The following MED30 variants were observed in gnomAD, a reference collection of about 807,000 sequenced individuals.
MED30 encodes mediator complex subunit 30.
Under a neutral mutation model 21.7 loss-of-function variants are expected in MED30, and 8 were observed. The observed-to-expected ratio is 0.37, with a 90% CI of 0.22 to 0.67. The LOEUF (loss-of-function observed/expected upper bound fraction) is 0.67, where lower values mean the gene tolerates loss of function less well. MED30 is among the 30% of genes least tolerant of loss of function. MED30 has a pLI of 0.58. For synonymous variants in MED30, 79 were observed against 86.7 expected (o/e 0.91, Z 0.49); for missense variants, 203 against 228.2 (o/e 0.89, Z 0.71).
At chr8:117,521,901 CGTAT>C (rs1818628789) in intron 1 of MED30, among the ~76,000 whole-genome samples, 1 of 152,134 alleles carries the variant, frequency 6.6e-6, no homozygotes, top group Non-Finnish European at 1.5e-5. Flanking sequence ...TTTGTGTGAA[CGTAT>C]GTGTCATTTC....
Position 117,528,687 on chromosome 8 carries a change from C to A in MED30, c.214C>A (p.Gln72Lys), listed in dbSNP as rs759612218. The A allele has an allele frequency of 6.2e-7, 1 of 1,607,544 alleles. No homozygotes were observed. The highest frequency in any genetic ancestry group is 8.5e-7 in the Non-Finnish European group (1 of 1,177,162). The change falls in exon 2 of 4, where the codon CAA becomes AAA. Residue 72 changes from glutamine (Q) to lysine (K), a missense_variant. Coordinates refer to ENST00000297347, the MANE Select transcript of MED30 (RefSeq NM_080651.4). ...TGTCACTTACCACACTGGAACATAT[C>A]AAGACCGGTTAACAAAGCTACAGGA... ...NGVTYHTGTY[Q>K]DRLTKLQDNL...
intron 1 of MED30, among the ~76,000 whole-genome samples, chr8:117,527,242 A>G (rs530046400): frequency 6.6e-6 from 1 of 152,104 alleles, no homozygotes; most frequent in East Asian, 1.9e-4. Context: ...CTGAGAGTTC[A>G]GGAGGAGAAA....
intron 3 of MED30, among the ~76,000 whole-genome samples, chr8:117,531,180 C>T (rs1818787572): frequency 6.6e-6 from 1 of 151,942 alleles, no homozygotes; most frequent in Non-Finnish European, 1.5e-5. Flanking sequence ...ATGTGAATGT[C>T]TCAACACCTG....
At chr8:117,533,699 C>T (rs539048177) in intron 3 of MED30, among the ~76,000 whole-genome samples, 21 of 152,292 alleles carry the variant, frequency 1.4e-4, no homozygotes, top group African/African-American at 4.8e-4. Flanking sequence ...CAATTTTCCA[C>T]AGTCAGAATC....
intron 3 of MED30, among the ~76,000 whole-genome samples, chr8:117,535,535 C>CT (rs1174375391): frequency 0.012 from 1,697 of 146,620 alleles, 34 homozygotes; most frequent in African/African-American, 0.038. Context: ...GCCGATACAT[C>CT]TTTTTTTTTT....
chr8:117,534,856 T>TG (rs1554634568), intron 3 of MED30, among the ~76,000 whole-genome samples: 1 of 147,694 alleles, frequency 6.8e-6, no homozygotes, highest in Non-Finnish European at 1.5e-5. Flanking sequence ...AATTGTTTTT[T>TG]TTTTTTTTTT....
intron 3 of MED30, among the ~76,000 whole-genome samples, chr8:117,533,670 A>G (rs954483684): frequency 2.0e-5 from 3 of 152,182 alleles, no homozygotes; most frequent in Admixed American, 6.5e-5. Flanking sequence ...ATCTATGACA[A>G]CATCTCAGTA....
At chr8:117,536,681 T>C (rs1403007435) in intron 3 of MED30, among the ~76,000 whole-genome samples, 1 of 152,240 alleles carries the variant, frequency 6.6e-6, no homozygotes, top group Non-Finnish European at 1.5e-5. Flanking sequence ...ACAATATGGC[T>C]GGTTTTAATA....
At chr8:117,527,579 A>G (rs1357409248) in intron 1 of MED30, among the ~76,000 whole-genome samples, 1 of 148,596 alleles carries the variant, frequency 6.7e-6, no homozygotes, top group Non-Finnish European at 1.5e-5. Flanking sequence ...TTTAATCATT[A>G]TATGTCCTGT....
rs1380378824 is a variant in MED30, at chr8:117,521,064, G to A, written c.177+11G>A. ...CTGAGGAACATGCAGGTAGGAAGGC[G>A]GGCGCGCGAGGCCAGGGGGATGCAG... On this transcript the variant is annotated intron_variant, in intron 1 of 3. Coordinates refer to ENST00000297347, the MANE Select transcript of MED30 (RefSeq NM_080651.4). 2 of 1,575,478 alleles carry A rather than the reference G, an allele frequency of 1.3e-6. No homozygotes were observed. The highest frequency in any genetic ancestry group is 2.3e-5 in the East Asian group (1 of 43,074).
intron 1 of MED30, among the ~76,000 whole-genome samples, chr8:117,522,634 G>GC (rs1554633701): frequency 9.0e-5 from 13 of 144,216 alleles, no homozygotes; most frequent in Non-Finnish European, 1.5e-4. Context: ...GTGTTTTATT[G>GC]CTTTTTTTTT....
chr8:117,528,473 G>A (rs966003825), intron 1 of MED30, among the ~76,000 whole-genome samples, 178 bp from the exon 2 acceptor site: 4 of 151,890 alleles, frequency 2.6e-5, no homozygotes, highest in Admixed American at 2.0e-4. Context: ...ATGCCAAGTT[G>A]TTAATAAATG....
At chr8:117,521,162 A>C in intron 1 of MED30, 109 bp downstream of exon 1, 1 of 1,066,958 alleles carries the variant, frequency 9.4e-7, no homozygotes. Flanking sequence ...CCCTGGGCAA[A>C]CCTTAGGTGT....
chr8:117,523,406 TTG>T, intron 1 of MED30: 1 of 1,558,710 alleles, frequency 6.4e-7, no homozygotes, highest in Non-Finnish European at 8.8e-7. Flanking sequence ...GCTTCCCCTC[TTG>T]TGAGTCTTGC....
At chr8:117,523,945 G>T (rs139490639) in intron 1 of MED30, 10,850 of 302,022 alleles carry the variant, frequency 0.036, 501 homozygotes, top group African/African-American at 0.14. Context: ...AGGCGGAGGT[G>T]GCAGTGAGCC....
At chr8:117,533,893 G>T (rs1818827481) in intron 3 of MED30, among the ~76,000 whole-genome samples, 1 of 152,084 alleles carries the variant, frequency 6.6e-6, no homozygotes, top group Non-Finnish European at 1.5e-5. Context: ...TTGGTGATGT[G>T]CATACATCAG....
At chr8:117,535,549 G>A (rs1054859479) in intron 3 of MED30, among the ~76,000 whole-genome samples, 14 of 150,216 alleles carry the variant, frequency 9.3e-5, no homozygotes, top group African/African-American at 2.4e-4. Flanking sequence ...TTTTTTTTCC[G>A]TAATGGCACA....
At chr8:117,528,177 TCTTA>T (rs1818746827) in intron 1 of MED30, among the ~76,000 whole-genome samples, 1 of 151,900 alleles carries the variant, frequency 6.6e-6, no homozygotes, top group African/African-American at 2.4e-5. Context: ...ATCTTAATTA[TCTTA>T]TCAGAGTTAA....
chr8:117,523,874 G>C, intron 1 of MED30: 2 of 413,794 alleles, frequency 4.8e-6, no homozygotes, highest in South Asian at 2.9e-5. Flanking sequence ...GGGCGTGGTG[G>C]CGGGCGCCTG....
Sources: gnomAD v4.1 joint callset for allele counts (sites outside exome capture counted in the v4.1 genomes callset) on GRCh38, gnomAD v4.1.1 for gene constraint, MANE v1.5 for transcripts, NCBI Gene and HGNC (gene_info 2026-07-23, HGNC 2026-07-21) for gene names.